The following ASXL2 variants were observed in gnomAD, a reference collection of about 807,000 sequenced individuals.
The protein encoded by ASXL2 is putative Polycomb group protein ASXL2.
In ASXL2, 23 loss-of-function variants were observed where a neutral mutation model predicts 122.0. The observed-to-expected ratio is 0.19, with a 90% CI of 0.14 to 0.27. The LOEUF (loss-of-function observed/expected upper bound fraction) is 0.27. Ranked by LOEUF, ASXL2 falls within the 10% of genes least tolerant of loss-of-function variation. ASXL2 has a pLI of 1.00. For missense variants in ASXL2, 1,518 were observed against 1,713.8 expected (o/e 0.89, Z 2.02); for synonymous variants, 650 against 637.0 (o/e 1.02, Z -0.31).
chr2:25,803,619 G>C (rs1457025423), intron 4 of ASXL2, among the ~76,000 whole-genome samples: 1 of 152,216 alleles, frequency 6.6e-6, no homozygotes, highest in Admixed American at 6.5e-5. Flanking sequence ...AAGGGTCAGG[G>C]AGTGGGATGG....
At chr2:25,860,404 A>G (rs768547944) in intron 1 of ASXL2, among the ~76,000 whole-genome samples, 3 of 151,930 alleles carry the variant, frequency 2.0e-5, no homozygotes, top group Non-Finnish European at 4.4e-5. Context: ...AAATTTAAAG[A>G]CTGAATGCAT....
At chr2:25,870,035 A>C (rs574829015) in intron 1 of ASXL2, among the ~76,000 whole-genome samples, 63 of 152,056 alleles carry the variant, frequency 4.1e-4, no homozygotes, top group African/African-American at 1.4e-3. Flanking sequence ...CAGGAGTTTG[A>C]TGCTGTAGTG....
intron 5 of ASXL2, among the ~76,000 whole-genome samples, chr2:25,798,826 G>A (rs2088950060): frequency 6.6e-6 from 1 of 152,188 alleles, no homozygotes; most frequent in Admixed American, 6.5e-5. Context: ...CTGGAGCACA[G>A]AAGATTTGAG....
At chr2:25,837,428 T>C (rs1362172713) in intron 2 of ASXL2, among the ~76,000 whole-genome samples, 1 of 152,232 alleles carries the variant, frequency 6.6e-6, no homozygotes, top group Non-Finnish European at 1.5e-5. Flanking sequence ...TAAAGTGACA[T>C]ATTCATGTGA....
intron 3 of ASXL2, among the ~76,000 whole-genome samples, chr2:25,807,639 A>C (rs1354701939): frequency 6.6e-6 from 1 of 152,220 alleles, no homozygotes; most frequent in Non-Finnish European, 1.5e-5. Flanking sequence ...CTTGCTTAAA[A>C]AGATATTAAC....
rs2087890606 is a variant in ASXL2 at position 25,743,851 on chromosome 2, T to G, written c.2486A>C (p.Gln829Pro). The G allele has an allele frequency of 2.5e-6, 4 of 1,613,926 alleles. No individual in the cohort carries two copies. Among genetic ancestry groups the G allele is most frequent in the Non-Finnish European group, 3.4e-6 (4 of 1,179,908 alleles). The change falls in exon 13 of 13, where the codon CAG (glutamine) becomes CCG (proline). Residue 829 changes from glutamine (Q) to proline (P), a missense_variant. By Grantham distance (76) the Gln-to-Pro change is moderately conservative. Around this residue, in one of 8 missense-constraint regions of ASXL2, gnomAD observed 831 missense variants for 833.1 expected, o/e 1.00. Transcript: ENST00000435504. Reference protein sequence around the residue: ...SHPQGPSSCRQEKAPSPTGPA... With the variant: ...SHPQGPSSCRPEKAPSPTGPA... ...ACCTGTTGGAGAAGGTGCTTTCTCC[T>G]GTCTGCAACTACTGGGCCCTTGTGG...
rs1262806844 is a variant in ASXL2 at position 25,735,456 on chromosome 2, A to T, written c.*6573T>A. 6.6e-6 allele frequency: 1 copy of T among 152,230 alleles called. No individual in the cohort carries two copies. Among genetic ancestry groups the T allele is most frequent in the Non-Finnish European group, 1.5e-5 (1 of 68,032 alleles). The allele number at this position is 152,230 out of a possible 1,614,324, so 9.4% of individuals were successfully genotyped here. On this transcript the variant is annotated 3_prime_UTR_variant, in exon 13 of 13. Coordinates refer to ENST00000435504, the MANE Select transcript of ASXL2 (RefSeq NM_018263.6). ...AAGGAAAAGCCACTTCTACATTAGA[A>T]TAGAAAAGGACACAAAAGTAATTTT...
chr2:25,876,408 T>C (rs2090010140), intron 1 of ASXL2, among the ~76,000 whole-genome samples: 1 of 152,206 alleles, frequency 6.6e-6, no homozygotes, highest in African/African-American at 2.4e-5. Context: ...GAAACTTGTG[T>C]AATATTAGTG....
intron 1 of ASXL2, among the ~76,000 whole-genome samples, chr2:25,855,457 T>A (rs2089765217): frequency 6.6e-6 from 1 of 152,066 alleles, no homozygotes; most frequent in South Asian, 2.1e-4. Context: ...TTCCCTGAGG[T>A]CAGGAGTTTG....
intron 4 of ASXL2, among the ~76,000 whole-genome samples, chr2:25,803,582 T>A (rs552018622): frequency 6.6e-6 from 1 of 152,176 alleles, no homozygotes; most frequent in Non-Finnish European, 1.5e-5. Context: ...CAGGGACTGG[T>A]GCTGTGGAAG....
In ASXL2 at chr2:25,744,527, A is replaced by G; in HGVS notation, c.1861-51T>C. On this transcript the variant is annotated intron_variant, in intron 12 of 12. Transcript: ENST00000435504. The surrounding 1 kb of genome is among the most constrained non-coding windows in gnomAD (Gnocchi z 4.7). ...CAACAGAGCTTAGTTTTCATTTGTA[A>G]GAATAACAAAACTTCATTAGCCCTC... 1 of 1,529,194 alleles carries G rather than the reference A, an allele frequency of 6.5e-7. No individual in the cohort carries two copies. The highest frequency in any genetic ancestry group is 8.7e-7 in the Non-Finnish European group (1 of 1,146,448). The allele number at this position is 1,529,194 out of a possible 1,614,324, so 94.7% of individuals were successfully genotyped here. A position where few individuals can be genotyped will look rare whatever the true frequency, so the allele number is the denominator to read the frequency against.
chr2:25,830,149 A>C (rs2089433090), intron 3 of ASXL2, among the ~76,000 whole-genome samples: 1 of 152,268 alleles, frequency 6.6e-6, no homozygotes, highest in Non-Finnish European at 1.5e-5. Context: ...TGGAACCACA[A>C]TCCACTAAAA....
At chr2:25,779,418 G>A (rs1454014596) in intron 5 of ASXL2, among the ~76,000 whole-genome samples, 2 of 151,556 alleles carry the variant, frequency 1.3e-5, no homozygotes, top group Admixed American at 6.6e-5. Flanking sequence ...TTTTTATCCC[G>A]TTTCTTCCCG....
chr2:25,743,232 G>A lies in ASXL2; in HGVS notation c.3105C>T (p.Pro1035=), dbSNP rs1244313964. 2 of 1,613,650 alleles carry A rather than the reference G, an allele frequency of 1.2e-6. No homozygotes were observed. The highest frequency in any genetic ancestry group is 1.7e-6 in the Non-Finnish European group (2 of 1,179,770). Residue 1035 remains proline (P), a synonymous_variant, in exon 13 of 13, where the codon CCC becomes CCT. Transcript: ENST00000435504. ...QSKQLPQVPR[P]LQLFSAKELR... Reference sequence around the variant, plus strand: ...GCTCCTTAGCTGAAAAGAGCTGAAGGGGCCTTGGAACCTGGGGGAGCTGCT... The same window carrying A: ...GCTCCTTAGCTGAAAAGAGCTGAAGAGGCCTTGGAACCTGGGGGAGCTGCT...
At chr2:25,866,450 C>T (rs2089905590) in intron 1 of ASXL2, among the ~76,000 whole-genome samples, 1 of 152,102 alleles carries the variant, frequency 6.6e-6, no homozygotes, top group Non-Finnish European at 1.5e-5. Context: ...TCATAGACAA[C>T]TTTCAGAATC....
rs1403874232 is a variant in ASXL2, at chr2:25,737,065, C to G, written c.*4964G>C. 4 of 152,064 alleles carry G rather than the reference C, an allele frequency of 2.6e-5. No homozygotes were observed. Among genetic ancestry groups the G allele is most frequent in the African/African-American group, 9.7e-5 (4 of 41,410 alleles). 9.4% of individuals were successfully genotyped at this position (152,064 alleles called of 1,614,324 possible). A position where few individuals can be genotyped will look rare whatever the true frequency, so the allele number is the denominator to read the frequency against. ...CTACCCTTCCTGACCCAGAGGAGTT[C>G]AAAATTCAAGTGTCAAATGCTGAAA... is the stretch of plus-strand genomic sequence containing the variant. On this transcript the variant is annotated 3_prime_UTR_variant, in exon 13 of 13. Transcript: ENST00000435504.
At chr2:25,856,987 G>C (rs893947990) in intron 1 of ASXL2, 1 of 322,636 alleles carries the variant, frequency 3.1e-6, no homozygotes, top group Non-Finnish European at 5.7e-6. Context: ...CCAAATAACA[G>C]TAATGATAGC....
At chr2:25,815,538 C>T (rs537643900) in intron 3 of ASXL2, among the ~76,000 whole-genome samples, 1 of 152,234 alleles carries the variant, frequency 6.6e-6, no homozygotes, top group African/African-American at 2.4e-5. Context: ...AGGAAAAAAT[C>T]TGACTCAACT....
intron 4 of ASXL2, among the ~76,000 whole-genome samples, chr2:25,803,291 CT>C (rs996325417): frequency 1.6e-4 from 24 of 152,290 alleles, no homozygotes; most frequent in African/African-American, 5.5e-4. Context: ...TCATCTGTAT[CT>C]TTTGTAATAT....
Sources: allele counts gnomAD v4.1 joint callset (sites outside exome capture counted in the v4.1 genomes callset), GRCh38; gene constraint gnomAD v4.1.1; regional missense constraint gnomAD v4.1.1; non-coding constraint Gnocchi (gnomAD v3.1); transcripts MANE v1.5; gene names NCBI Gene and HGNC (gene_info 2026-07-23, HGNC 2026-07-21).